The following RIPOR3 variants were observed in gnomAD, a reference collection of about 807,000 sequenced individuals.
RIPOR3 encodes RIPOR family member 3.
In RIPOR3, 95 loss-of-function variants were observed where a neutral mutation model predicts 114.3. The observed-to-expected ratio is 0.83, with a 90% CI of 0.70 to 0.99. RIPOR3 has a LOEUF of 0.99. Among genes scored for constraint, RIPOR3 ranks in the 50% least tolerant of loss-of-function variants. The pLI is 0.00. For synonymous variants in RIPOR3, 575 were observed against 543.8 expected, an observed-to-expected ratio of 1.06 and a Z score of -0.80; for missense variants, 1,252 against 1,266.9, an observed-to-expected ratio of 0.99 and a Z score of 0.18.
Position 50,616,077 on chromosome 20 carries a change from C to T in RIPOR3, c.273G>A (p.Glu91=). 2 of 1,611,450 alleles carry T rather than the reference C, an allele frequency of 1.2e-6. No individual in the cohort carries two copies. The highest frequency in any genetic ancestry group is 1.7e-6 in the Non-Finnish European group (2 of 1,178,914). Residue 91 remains glutamate, a synonymous_variant, in exon 4 of 22, where the codon GAG becomes GAA. Transcript: ENST00000327979. ...IFEALKRGLK[E]YLCVQQAELD... ...GCTCAGCCTGCTGCACACACAGATA[C>T]TCCCTGCAAGGAAAGCAAGGAAGAG...
intron 2 of RIPOR3, among the ~76,000 whole-genome samples, chr20:50,625,419 A>G (rs1387437859): frequency 1.3e-5 from 2 of 152,112 alleles, no homozygotes. Flanking sequence ...CTCCTGACAC[A>G]GTCTTTGAGG....
chr20:50,620,911 C>A, intron 2 of RIPOR3: 2 of 591,568 alleles, frequency 3.4e-6, no homozygotes, highest in Non-Finnish European at 3.3e-6. Flanking sequence ...GTGGCTTTGC[C>A]CTGTACAAGC....
chr20:50,658,892 C>T (rs1176407853), intron 1 of RIPOR3, among the ~76,000 whole-genome samples: 1 of 152,084 alleles, frequency 6.6e-6, no homozygotes, highest in Admixed American at 6.6e-5. Context: ...CTACGTTATC[C>T]TGCAAATTCT....
chr20:50,615,093 G>A (rs2084114531), intron 4 of RIPOR3, among the ~76,000 whole-genome samples: 1 of 141,738 alleles, frequency 7.1e-6, no homozygotes, highest in Non-Finnish European at 1.5e-5. Context: ...AATTTAATGG[G>A]GCATGCTATT....
intron 1 of RIPOR3, among the ~76,000 whole-genome samples, chr20:50,633,505 A>AT (rs2084886611): frequency 6.6e-6 from 1 of 152,016 alleles, no homozygotes; most frequent in Admixed American, 6.6e-5. Context: ...AAACTGCTTG[A>AT]TCCCCCCAGC....
intron 17 of RIPOR3, 113 bp from the exon 18 acceptor site, chr20:50,593,309 G>A (rs41282808): frequency 0.067 from 82,179 of 1,231,630 alleles, 3,113 homozygotes; most frequent in Non-Finnish European, 0.078. Flanking sequence ...GCAGTGGCTC[G>A]CACCTGTAAC....
intron 1 of RIPOR3, among the ~76,000 whole-genome samples, chr20:50,665,948 AT>A: frequency 6.6e-6 from 1 of 151,782 alleles, no homozygotes; most frequent in Non-Finnish European, 1.5e-5. Flanking sequence ...AGACATCTAA[AT>A]TTTATGAGCC....
chr20:50,621,342 C>T (rs2084395764), intron 2 of RIPOR3, among the ~76,000 whole-genome samples: 1 of 152,206 alleles, frequency 6.6e-6, no homozygotes, highest in African/African-American at 2.4e-5. Context: ...CTAGTAGTAG[C>T]ACCTCAATTT....
chr20:50,648,914 G>A (rs962341442), intron 1 of RIPOR3, among the ~76,000 whole-genome samples: 9 of 152,148 alleles, frequency 5.9e-5, no homozygotes, highest in Non-Finnish European at 1.2e-4. Flanking sequence ...ATGTGGCCCA[G>A]TTCCTAACAG....
In RIPOR3 at chr20:50,594,670, T is replaced by C; in HGVS notation, c.2095A>G (p.Arg699Gly). 1 of 1,613,576 alleles carries C rather than the reference T, an allele frequency of 6.2e-7. No individual in the cohort carries two copies. Residue 699 changes from arginine to glycine, a missense_variant, in exon 17 of 22, where the codon AGA (arginine) becomes GGA (glycine). Arg to Gly is a moderately radical substitution (Grantham distance 125, BLOSUM62 -2). Coordinates refer to ENST00000327979, the MANE Select transcript of RIPOR3 (RefSeq NM_001290268.2). ...ACCCTGCCAGGCCCTGTGCACCCTCTCCACAGCTTCAGGCACCCCTTCGTC... is the reference window on the plus strand; with the variant it reads ...ACCCTGCCAGGCCCTGTGCACCCTCCCCACAGCTTCAGGCACCCCTTCGTC... ...SRTKGCLKLW[R>G]GCTGPGRVLS... is the part of the protein sequence containing the mutation.
intron 4 of RIPOR3, among the ~76,000 whole-genome samples, chr20:50,615,473 C>T (rs929258923): frequency 9.0e-5 from 13 of 144,580 alleles, no homozygotes; most frequent in Admixed American, 7.1e-4. Flanking sequence ...TGCAGTGAGC[C>T]GGGATTGTGC....
At chr20:50,611,098 A>G in intron 5 of RIPOR3, 83 bp downstream of exon 5, 1 of 1,602,640 alleles carries the variant, frequency 6.2e-7, no homozygotes, top group Non-Finnish European at 8.5e-7. Context: ...TCTGCCCATC[A>G]GGCAGCCAGG....
At chr20:50,674,419 T>TG (rs376729170) in intron 1 of RIPOR3, among the ~76,000 whole-genome samples, 174 of 151,926 alleles carry the variant, frequency 1.1e-3, no homozygotes, top group African/African-American at 4.0e-3. Context: ...TTTGGAGAAG[T>TG]GCCCAGGACA....
intron 19 of RIPOR3, among the ~76,000 whole-genome samples, chr20:50,591,893 G>C (rs2083119584): frequency 6.6e-6 from 1 of 152,214 alleles, no homozygotes; most frequent in African/African-American, 2.4e-5. Flanking sequence ...TCAGGAGTTT[G>C]AGACCAGCCT....
chr20:50,593,987 G>A (rs1457826169), intron 17 of RIPOR3, among the ~76,000 whole-genome samples: 1 of 151,912 alleles, frequency 6.6e-6, no homozygotes, highest in African/African-American at 2.4e-5. Flanking sequence ...AAATGCTCTG[G>A]CGGCCGGGCG....
chr20:50,614,894 A>G (rs2084105400), intron 4 of RIPOR3: 1 of 166,776 alleles, frequency 6.0e-6, no homozygotes, highest in South Asian at 2.1e-4. Context: ...TGTCTCTACT[A>G]AAAATGTGAA....
chr20:50,609,663 G>T lies in RIPOR3; in HGVS notation c.486C>A (p.Ser162Arg). Residue 162 changes from serine (S) to arginine (R), a missense_variant, in exon 7 of 22, where the codon AGC (serine) becomes AGA (arginine). Physicochemically the swap from Ser to Arg is moderately radical, Grantham distance 110. Transcript: ENST00000327979. ...IQCRLRDGAS[S>R]MQRAFARCPP... The stretch of plus-strand genomic sequence containing the variant: ...GGCACCGGGCGAAGGCCCGCTGCAT[G>T]CTGGAGGCGCCGTCGCGCAGGCGGC... 7.2e-7 allele frequency: 1 copy of T among 1,394,720 alleles called. No individual in the cohort carries two copies. The allele number at this position is 1,394,720 out of a possible 1,614,324, so 86.4% of individuals were successfully genotyped here. A position where few individuals can be genotyped will look rare whatever the true frequency, so the allele number is the denominator to read the frequency against.
In RIPOR3 at chr20:50,594,576, T is replaced by C. The variant is rs753488917; in HGVS notation, c.2189A>G (p.Lys730Arg). 2 of 1,613,956 alleles carry C rather than the reference T, an allele frequency of 1.2e-6. No individual in the cohort carries two copies. Among genetic ancestry groups the C allele is most frequent in the African/African-American group, 1.3e-5 (1 of 74,926 alleles). Residue 730 changes from lysine (K) to arginine (R), a missense_variant, in exon 17 of 22, where the codon AAG becomes AGG. Transcript: ENST00000327979. ...ACCTATTTCCAGCTGTCCTGGGTAC[T>C]TCCCTCTGACTCTGTGCTGGAAGGT... ...KKTFQHRVRG[K>R]YPGQLEIACR...
intron 17 of RIPOR3, 45 bp downstream of exon 17, chr20:50,594,504 CAATA>C: frequency 6.3e-7 from 1 of 1,588,920 alleles, no homozygotes; most frequent in Non-Finnish European, 8.6e-7. Context: ...CCTGGAGACT[CAATA>C]CAGCCTTTCT....
Sources: allele counts gnomAD v4.1 joint callset (sites outside exome capture counted in the v4.1 genomes callset), GRCh38; gene constraint gnomAD v4.1.1; transcripts MANE v1.5; gene names NCBI Gene and HGNC (gene_info 2026-07-23, HGNC 2026-07-21).